Variants in THBS3 observed in about 807,000 individuals in gnomAD.
THBS3 encodes thrombospondin-3.
Under a neutral mutation model 118.3 loss-of-function variants are expected in THBS3, and 78 were observed. That is an observed-to-expected ratio of 0.66 (90% CI 0.55 to 0.80). THBS3 has a LOEUF of 0.80. Ranked by LOEUF, THBS3 falls within the 30% of genes least tolerant of loss-of-function variation. The probability of loss-of-function intolerance (pLI) is 0.00; values close to 1 mark genes in which losing one functional copy is unlikely to be tolerated. For missense variants in THBS3, 1,057 were observed against 1,247.4 expected (o/e 0.85, Z 2.30); for synonymous variants, 427 against 475.3 (o/e 0.90, Z 1.32).
At position 155,196,140 on chromosome 1, in the gene THBS3, C is replaced by T. The variant is rs1159990841; in HGVS notation, c.2673-14G>A. 3.7e-6 allele frequency: 6 copies of T among 1,613,626 alleles called. No homozygotes were observed. In the Admixed American group the frequency reaches 6.7e-5, roughly 18 times the overall value. On this transcript the variant is annotated splice_polypyrimidine_tract_variant and intron_variant, in intron 21 of 22. Coordinates refer to ENST00000368378, the MANE Select transcript of THBS3 (RefSeq NM_007112.5). Reference sequence around the variant, plus strand: ...TAGAGCTTCACCCTGTCCAGGATTCCAGGATAGGAGTATCCATTGGTGCTA... The same window carrying T: ...TAGAGCTTCACCCTGTCCAGGATTCTAGGATAGGAGTATCCATTGGTGCTA...
At chr1:155,208,975 G>T, upstream of THBS3, 1 of 1,606,680 alleles carries the variant, frequency 6.2e-7, no homozygotes, top group Non-Finnish European at 8.5e-7. Context: ...GCTCCACTTG[G>T]ACGAGGCGCC....
rs1317178131 is a variant in THBS3, at chr1:155,200,098, A to G, written c.1724T>C (p.Leu575Ser). 3.8e-6 allele frequency: 6 copies of G among 1,576,524 alleles called. No individual in the cohort carries two copies. The highest frequency in any genetic ancestry group is 5.2e-6 in the Non-Finnish European group (6 of 1,160,554). The stretch of plus-strand genomic sequence containing the variant: ...GTTGGGGACTTTAGGGCAATTGTCC[A>G]ATCCATTGGGGATGCCTAGAAGACA... ...DVDGDGIPNGLDNCPKVPNPL... is the reference protein window; with the variant it reads ...DVDGDGIPNGSDNCPKVPNPL... Residue 575 changes from leucine (L) to serine (S), a missense_variant, in exon 15 of 23, where the codon TTG (leucine) becomes TCG (serine). Coordinates refer to ENST00000368378, the MANE Select transcript of THBS3 (RefSeq NM_007112.5).
chr1:155,196,844 T>A, intron 21 of THBS3, 197 bp downstream of exon 21: 1 of 600,728 alleles, frequency 1.7e-6, no homozygotes, highest in Non-Finnish European at 2.9e-6. Flanking sequence ...ATGCCCTCAT[T>A]TTACAGACGG....
chr1:155,202,461 C>T lies in THBS3; in HGVS notation c.958-60G>A. The stretch of plus-strand genomic sequence containing the variant: ...CCCTCTGGGAAACTCAGGTCCCTGC[C>T]TGTGATCCAGGAACCATTGCTCCAG... On this transcript the variant is annotated intron_variant, in intron 8 of 22. Transcript: ENST00000368378. This position sits in a 1 kb window ranked among gnomAD's most constrained non-coding sequence, Gnocchi z 5.5. 2 of 1,590,856 alleles carry T rather than the reference C, an allele frequency of 1.3e-6. No homozygotes were observed. Among genetic ancestry groups the T allele is most frequent in the Non-Finnish European group, 1.7e-6 (2 of 1,169,210 alleles).
upstream of THBS3, chr1:155,209,158 C>G (rs1218410476): frequency 3.3e-6 from 5 of 1,508,900 alleles, 1 homozygote; most frequent in African/African-American, 2.8e-5. Flanking sequence ...GCCCCCTGAC[C>G]GCAACGATCG....
At position 155,200,419 on chromosome 1, in the gene THBS3, C is replaced by G. The variant is rs565005457; in HGVS notation, c.1708+32G>C. On this transcript the variant is annotated intron_variant, in intron 14 of 22. Coordinates refer to ENST00000368378, the MANE Select transcript of THBS3 (RefSeq NM_007112.5). ...CACCTGATCCAAATTCTCACAGGTC[C>G]CCCAGCCACCCCTTCAGCCCCAGGC... 17 of 1,604,642 alleles carry G rather than the reference C, an allele frequency of 1.1e-5. No individual in the cohort carries two copies. The South Asian group carries it at 1.7e-4, about 16-fold the overall frequency.
chr1:155,203,376 C>G, intron 5 of THBS3, 71 bp from the exon 6 acceptor site: 1 of 1,591,966 alleles, frequency 6.3e-7, no homozygotes, highest in Non-Finnish European at 8.6e-7. Flanking sequence ...GGCAATAAGC[C>G]AGTACCTGCC....
At chr1:155,200,322 C>T in intron 14 of THBS3, 129 bp downstream of exon 14, 1 of 1,271,032 alleles carries the variant, frequency 7.9e-7, no homozygotes, top group Admixed American at 2.0e-5. Context: ...GTAATCTCTC[C>T]TCACCCAGGC....
chr1:155,204,411 G>A (rs1019302192), intron 4 of THBS3, among the ~76,000 whole-genome samples: 3 of 151,966 alleles, frequency 2.0e-5, no homozygotes, highest in Admixed American at 6.6e-5. Context: ...CCAACGTGGT[G>A]AAATCCCATC....
intron 17 of THBS3, 39 bp downstream of exon 17, chr1:155,198,370 G>A (rs1241535028): frequency 1.9e-6 from 3 of 1,600,668 alleles, no homozygotes; most frequent in East Asian, 2.2e-5. Flanking sequence ...CTGGGCAAAG[G>A]CAACACCAGT....
chr1:155,201,436 T>C lies in THBS3; in HGVS notation c.1310A>G (p.Asn437Ser), dbSNP rs371488408. Residue 437 changes from asparagine (N) to serine (S), a missense_variant, in exon 11 of 23, where the codon AAT becomes AGT. By Grantham distance (46) the Asn-to-Ser change is conservative. Transcript: ENST00000368378. ...GCTCACCTGGCAGGACACTGCACCATTGCGTTCAAAGAGACAGTGAGCATG... is the reference window on the plus strand; with the variant it reads ...GCTCACCTGGCAGGACACTGCACCACTGCGTTCAAAGAGACAGTGAGCATG... ...HIHAHCLFER[N>S]GAVSCQCNVG... The C allele has an allele frequency of 4.9e-5, 79 of 1,609,864 alleles. No homozygotes were observed. Among genetic ancestry groups the C allele is most frequent in the Admixed American group, 2.5e-4 (15 of 59,578 alleles).
chr1:155,199,998 G>A lies in THBS3; in HGVS notation c.1824C>T (p.Thr608=), dbSNP rs767933243. 5.0e-6 allele frequency: 8 copies of A among 1,599,062 alleles called. No individual in the cohort carries two copies. In the Admixed American group the frequency reaches 8.6e-5, roughly 17 times the overall value. The change falls in exon 15 of 23, where the codon ACC becomes ACT. Residue 608 remains threonine (T), a synonymous_variant. Transcript: ENST00000368378. ...TGTCCTTACCATCTCCCTGTACCTGGGTAGGATTGCTCATTTCAGGGCAGC... is the reference window on the plus strand; with the variant it reads ...TGTCCTTACCATCTCCCTGTACCTGAGTAGGATTGCTCATTTCAGGGCAGC... The part of the protein sequence containing the change: ...CDSCPEMSNP[T]QTDADSDLVG...
At chr1:155,209,079 G>T, upstream of THBS3, 1 of 1,540,740 alleles carries the variant, frequency 6.5e-7, no homozygotes. Flanking sequence ...GAGGCCCGCG[G>T]CCCAGTCCCC....
rs1282903788 is a variant in THBS3 at position 155,198,557 on chromosome 1, C to T, written c.1926G>A (p.Leu642=). The T allele has an allele frequency of 6.2e-7, 1 of 1,614,224 alleles. No homozygotes were observed. ...CAGAGTCCAGCTGGGAGCTATTTGG[C>T]AGCTGTGGGCAGTTGTCCTTGGTGT... The part of the protein sequence containing the change: ...HQDTKDNCPQ[L]PNSSQLDSDN... The change falls in exon 17 of 23, where the codon CTG becomes CTA. Residue 642 remains leucine, a synonymous_variant. Coordinates refer to ENST00000368378, the MANE Select transcript of THBS3 (RefSeq NM_007112.5).
Position 155,206,397 on chromosome 1 carries a change from A to G in THBS3, c.89T>C (p.Leu30Pro). The stretch of plus-strand genomic sequence containing the variant: ...CTGCCGAGACTCGCCCACAGTCAGC[A>G]GGTCAATTACTGGTCAGGCAGGGGT... ...SASQDLQVID[L>P]LTVGESRQMV... Residue 30 changes from leucine (L) to proline (P), a missense_variant, in exon 2 of 23, where the codon CTG becomes CCG. Coordinates refer to ENST00000368378, the MANE Select transcript of THBS3 (RefSeq NM_007112.5). This position sits in a 1 kb window ranked among gnomAD's most constrained non-coding sequence, Gnocchi z 4.2. The G allele has an allele frequency of 1.2e-6, 2 of 1,614,006 alleles. No homozygotes were observed. The highest frequency in any genetic ancestry group is 2.7e-5 in the African/African-American group (2 of 75,008).
chr1:155,208,729 C>T, upstream of THBS3: 3 of 1,399,372 alleles, frequency 2.1e-6, no homozygotes, highest in Non-Finnish European at 1.9e-6. Context: ...CTCCGGCCGC[C>T]GCCACCGCCC....
Position 155,197,898 on chromosome 1 carries a change from C to T in THBS3, c.2284G>A (p.Asp762Asn), listed in dbSNP as rs906234482. 4.3e-6 allele frequency: 7 copies of T among 1,614,066 alleles called. No individual in the cohort carries two copies. The highest frequency in any genetic ancestry group is 1.1e-5 in the South Asian group (1 of 91,072). Residue 762 changes from aspartate (D) to asparagine (N), a missense_variant, in exon 19 of 23, where the codon GAC becomes AAC. Asp to Asn is a conservative substitution (Grantham distance 23). Around this residue, in one of 3 missense-constraint regions of THBS3, gnomAD observed 307 missense variants for 326.1 expected, o/e 0.94. Transcript: ENST00000368378. The surrounding 1 kb of genome is among the most constrained non-coding windows in gnomAD (Gnocchi z 5.0). Reference sequence around the variant, plus strand: ...TACATACCAACTGCCAAGCCAGGGTCACTGTTCATGGTCTGAACGATTTCC... The same window carrying T: ...TACATACCAACTGCCAAGCCAGGGTTACTGTTCATGGTCTGAACGATTTCC... ...GMEIVQTMNS[D>N]PGLAVGYTAF...
Position 155,197,903 on chromosome 1 carries a change from T to C in THBS3, c.2279A>G (p.Asn760Ser). Residue 760 changes from asparagine to serine, a missense_variant, in exon 19 of 23, where the codon AAC becomes AGC. Around this residue, in one of 3 missense-constraint regions of THBS3, gnomAD observed 307 missense variants for 326.1 expected, o/e 0.94. Coordinates refer to ENST00000368378, the MANE Select transcript of THBS3 (RefSeq NM_007112.5). This position sits in a 1 kb window ranked among gnomAD's most constrained non-coding sequence, Gnocchi z 5.0. ...NQGMEIVQTMNSDPGLAVGYT... is the reference protein window; with the variant it reads ...NQGMEIVQTMSSDPGLAVGYT... ...ACCAACTGCCAAGCCAGGGTCACTG[T>C]TCATGGTCTGAACGATTTCCATGCC... The C allele has an allele frequency of 6.2e-7, 1 of 1,614,124 alleles. No homozygotes were observed. Among genetic ancestry groups the C allele is most frequent in the Non-Finnish European group, 8.5e-7 (1 of 1,180,012 alleles).
At chr1:155,196,418 AC>A in intron 21 of THBS3, 1 of 443,166 alleles carries the variant, frequency 2.3e-6, no homozygotes, top group South Asian at 3.3e-5. Context: ...GGGTGAAGTC[AC>A]CCGCTTCCCA....
Sources: gnomAD v4.1 joint callset for allele counts (sites outside exome capture counted in the v4.1 genomes callset) on GRCh38, gnomAD v4.1.1 for gene constraint, gnomAD v4.1.1 regional missense constraint, Gnocchi (gnomAD v3.1) non-coding constraint, MANE v1.5 for transcripts, NCBI Gene and HGNC (gene_info 2026-07-23, HGNC 2026-07-21) for gene names.